ZNF341: variants seen among roughly 807,000 people sequenced by gnomAD.
The protein encoded by ZNF341 is zinc finger protein 341.
In ZNF341, 52 loss-of-function variants were observed where a neutral mutation model predicts 87.7. The ratio of observed to expected loss-of-function variants is 0.59; its 90% CI spans 0.47 to 0.75. ZNF341 has a LOEUF of 0.75. Among genes scored for constraint, ZNF341 ranks in the 30% least tolerant of loss-of-function variants. The pLI, the probability that ZNF341 is intolerant of heterozygous loss-of-function variation, is 0.00. For synonymous variants in ZNF341, 459 were observed against 472.7 expected (o/e 0.97, Z 0.38); for missense variants, 977 against 1,145.9 (o/e 0.85, Z 2.13).
At chr20:33,775,642 G>A (rs890553441) in intron 10 of ZNF341, among the ~76,000 whole-genome samples, 7 of 151,742 alleles carry the variant, frequency 4.6e-5, no homozygotes, top group South Asian at 2.1e-4. Flanking sequence ...CCCATATCAC[G>A]GGCAATCATG....
intron 8 of ZNF341, among the ~76,000 whole-genome samples, chr20:33,764,631 G>A (rs1173684314): frequency 7.7e-6 from 1 of 130,172 alleles, no homozygotes; most frequent in Admixed American, 8.4e-5. Flanking sequence ...GGAGTGCAGT[G>A]GTGCGATCTT....
intron 11 of ZNF341, among the ~76,000 whole-genome samples, chr20:33,782,446 A>G (rs369042606): frequency 2.1e-4 from 32 of 151,940 alleles, no homozygotes; most frequent in African/African-American, 7.7e-4. Context: ...CACTCTACTC[A>G]TTTTCTTACA....
In ZNF341 at chr20:33,790,900, G is replaced by C. The variant is rs572517751; in HGVS notation, c.2036-88G>C. Reference sequence around the variant, plus strand: ...GCCAGATCACACAGGTGCTGGTGGGGAAAGAGCCTGGATTTTATTCCCAGC... The same window carrying C: ...GCCAGATCACACAGGTGCTGGTGGGCAAAGAGCCTGGATTTTATTCCCAGC... On this transcript the variant is annotated intron_variant, in intron 14 of 14. Coordinates refer to ENST00000375200, the MANE Select transcript of ZNF341 (RefSeq NM_001282933.2). 3,016 of 1,458,750 alleles carry C rather than the reference G, an allele frequency of 2.1e-3. 9 individuals carry two copies. The highest frequency in any genetic ancestry group is 2.5e-3 in the Non-Finnish European group (2,753 of 1,091,990). 90.4% of individuals were successfully genotyped at this position (1,458,750 alleles called of 1,614,324 possible).
intron 2 of ZNF341, among the ~76,000 whole-genome samples, chr20:33,743,880 A>G (rs1010822726): frequency 6.6e-6 from 1 of 152,204 alleles, no homozygotes; most frequent in Admixed American, 6.5e-5. Flanking sequence ...ATGGTGATAA[A>G]TAAGACACAT....
intron 10 of ZNF341, among the ~76,000 whole-genome samples, chr20:33,775,755 A>G (rs950919006): frequency 6.6e-6 from 1 of 152,096 alleles, no homozygotes; most frequent in Non-Finnish European, 1.5e-5. Flanking sequence ...GCTGGAGTAC[A>G]GTGGCACAAT....
chr20:33,748,876 A>G, intron 3 of ZNF341, 47 bp from the exon 4 acceptor site: 1 of 1,562,250 alleles, frequency 6.4e-7, no homozygotes, highest in Non-Finnish European at 8.7e-7. Context: ...GCACACACAC[A>G]CTCTGTCTCT....
At position 33,775,875 on chromosome 20, in the gene ZNF341, T is replaced by A. The variant is rs1304385094; in HGVS notation, c.1623-5416T>A. On this transcript the variant is annotated intron_variant, in intron 10 of 14. Coordinates refer to ENST00000375200, the MANE Select transcript of ZNF341 (RefSeq NM_001282933.2). ...CCACCACTGCCAGCTAATTTTGGTATTTTTTGTAGAGACAGGGTCTTGCTA... is the reference window on the plus strand; with the variant it reads ...CCACCACTGCCAGCTAATTTTGGTAATTTTTGTAGAGACAGGGTCTTGCTA... Among the ~76,000 whole-genome samples, 4 of 151,426 alleles carry A rather than the reference T, an allele frequency of 2.6e-5. No homozygotes were observed. In the East Asian group the frequency reaches 7.8e-4, roughly 30 times the overall value.
intron 1 of ZNF341, among the ~76,000 whole-genome samples, chr20:33,739,977 G>A (rs903663734): frequency 6.6e-6 from 1 of 152,070 alleles, no homozygotes; most frequent in Non-Finnish European, 1.5e-5. Context: ...TGATTCTCCT[G>A]CCTCAGTCTC....
chr20:33,749,177 C>T, intron 4 of ZNF341, 105 bp downstream of exon 4: 1 of 1,438,396 alleles, frequency 7.0e-7, no homozygotes, highest in Non-Finnish European at 9.3e-7. Flanking sequence ...CCCAGCTCTC[C>T]CTGATGCTGA....
chr20:33,785,000 A>G (rs1396354654), intron 12 of ZNF341, among the ~76,000 whole-genome samples: 1 of 152,160 alleles, frequency 6.6e-6, no homozygotes, highest in Non-Finnish European at 1.5e-5. Context: ...ACAAAACGCC[A>G]TCTCCTTGGT....
Position 33,750,042 on chromosome 20 carries a change from G to A in ZNF341, c.489+970G>A, listed in dbSNP as rs369431700. ...TGGGATCACAGGTGTGCGCCACCGC[G>A]CCCAGCCTTGTTTTTATTCTTAACA... On this transcript the variant is annotated intron_variant, in intron 4 of 14. Transcript: ENST00000375200. 4.6e-5 allele frequency among the ~76,000 whole-genome samples: 7 copies of A among 152,252 alleles called. No homozygotes were observed. In the South Asian group the frequency reaches 8.3e-4, roughly 18 times the overall value.
At position 33,762,061 on chromosome 20, in the gene ZNF341, TG is replaced by T. The variant is rs1318646062; in HGVS notation, c.1222+8del. On this transcript the variant is annotated splice_region_variant and intron_variant, in intron 8 of 14. Coordinates refer to ENST00000375200, the MANE Select transcript of ZNF341 (RefSeq NM_001282933.2). ...GGAGGACGAGGAAAGCACAGGTGGG[TG>T]GAAGTAGGGAACGCCATGCTTCCCA... 6.6e-7 allele frequency: 1 copy of T among 1,526,590 alleles called. No individual in the cohort carries two copies. Among genetic ancestry groups the T allele is most frequent in the African/African-American group, 1.4e-5 (1 of 72,906 alleles). 94.6% of individuals were successfully genotyped at this position (1,526,590 alleles called of 1,614,324 possible). A position where few individuals can be genotyped will look rare whatever the true frequency, so the allele number is the denominator to read the frequency against.
At chr20:33,744,740 CA>C (rs2018879654) in intron 2 of ZNF341, among the ~76,000 whole-genome samples, 1 of 152,076 alleles carries the variant, frequency 6.6e-6, no homozygotes, top group Non-Finnish European at 1.5e-5. Context: ...TATAGGCGCG[CA>C]CCACCATGCC....
At position 33,747,384 on chromosome 20, in the gene ZNF341, G is replaced by A. The variant is rs532325636; in HGVS notation, c.340-1539G>A. Among the ~76,000 whole-genome samples the A allele has an allele frequency of 3.2e-3, 443 of 136,386 alleles. 48 individuals are homozygous for A. Among genetic ancestry groups the A allele is most frequent in the African/African-American group, 0.016 (428 of 26,856 alleles). The allele number at this position is 136,386 out of a possible 152,430, so 89.5% of individuals were successfully genotyped here. On this transcript the variant is annotated intron_variant, in intron 3 of 14. Coordinates refer to ENST00000375200, the MANE Select transcript of ZNF341 (RefSeq NM_001282933.2). ...TAATCCCAGCACTTTGGGAGGCCGAGGCGGGCGGATCACGAGGTCAGGAGA... is the reference window on the plus strand; with the variant it reads ...TAATCCCAGCACTTTGGGAGGCCGAAGCGGGCGGATCACGAGGTCAGGAGA...
intron 9 of ZNF341, among the ~76,000 whole-genome samples, chr20:33,768,875 C>T (rs891055794): frequency 2.6e-5 from 4 of 152,168 alleles, no homozygotes; most frequent in Non-Finnish European, 5.9e-5. Flanking sequence ...ACATACTTCT[C>T]ATACAAATGA....
chr20:33,755,961 G>A (rs568638315), intron 5 of ZNF341, among the ~76,000 whole-genome samples: 3 of 152,086 alleles, frequency 2.0e-5, no homozygotes, highest in South Asian at 4.2e-4. Context: ...AGGGGCTCAC[G>A]CCTGTAATCC....
At chr20:33,790,903 A>C in intron 14 of ZNF341, 85 bp from the exon 15 acceptor site, 1 of 1,470,062 alleles carries the variant, frequency 6.8e-7, no homozygotes, top group Non-Finnish European at 9.1e-7. Flanking sequence ...TGGTGGGGAA[A>C]GAGCCTGGAT....
intron 4 of ZNF341, chr20:33,752,549 T>C (rs559497008): frequency 1.0e-4 from 44 of 438,064 alleles, no homozygotes; most frequent in African/African-American, 8.9e-4. Context: ...GCCATTCTGC[T>C]GGGTCCAAGA....
At chr20:33,747,684 T>G (rs548209834) in intron 3 of ZNF341, among the ~76,000 whole-genome samples, 1 of 143,966 alleles carries the variant, frequency 6.9e-6, no homozygotes, top group Non-Finnish European at 1.5e-5. Flanking sequence ...GTTTTGCTAG[T>G]AGAAAATATT....
Sources: allele counts gnomAD v4.1 joint callset (sites outside exome capture counted in the v4.1 genomes callset), GRCh38; gene constraint gnomAD v4.1.1; transcripts MANE v1.5; gene names NCBI Gene and HGNC (gene_info 2026-07-23, HGNC 2026-07-21).